MTA3: variants seen among roughly 807,000 people sequenced by gnomAD.
MTA3 encodes the protein metastasis-associated protein MTA3.
A neutral mutation model predicts 83.5 loss-of-function variants in MTA3; 34 were observed. The ratio of observed to expected loss-of-function variants is 0.41; its 90% confidence interval spans 0.31 to 0.54. MTA3 has a LOEUF of 0.54. Among genes scored for constraint, MTA3 ranks in the 20% least tolerant of loss-of-function variants. The probability of loss-of-function intolerance (pLI) is 0.33; values close to 1 mark genes in which losing one functional copy is unlikely to be tolerated. For missense variants in MTA3, 761 were observed against 726.4 expected, an observed-to-expected ratio of 1.05 and a Z score of -0.55; for synonymous variants, 303 against 252.7, an observed-to-expected ratio of 1.20 and a Z score of -1.89.
chr2:42,560,722 T>C (rs1677635079), intron 2 of MTA3, among the ~76,000 whole-genome samples: 1 of 151,254 alleles, frequency 6.6e-6, no homozygotes, highest in African/African-American at 2.4e-5. Context: ...CTGGCCAACA[T>C]AGTAAAACTC....
At chr2:42,618,085 C>T (rs1236159130) in intron 4 of MTA3, among the ~76,000 whole-genome samples, 2 of 151,976 alleles carry the variant, frequency 1.3e-5, no homozygotes, top group Non-Finnish European at 2.9e-5. Context: ...GCTGGGACTG[C>T]AAGTGCACAC....
At chr2:42,541,458 T>C (rs1676514027) in intron 2 of MTA3, among the ~76,000 whole-genome samples, 1 of 152,252 alleles carries the variant, frequency 6.6e-6, no homozygotes, top group Non-Finnish European at 1.5e-5. Flanking sequence ...TAATGTACTC[T>C]ACAGTGTACT....
chr2:42,644,198 A>G lies in MTA3; in HGVS notation c.453A>G (p.Arg151=). The change falls in exon 6 of 17, where the codon AGA becomes AGG. Residue 151 remains arginine (R), a synonymous_variant. Coordinates refer to ENST00000405094, the MANE Select transcript of MTA3 (RefSeq NM_001330442.2). Reference sequence around the variant, plus strand: ...TATTAGCTGACAAAGGTGAAATCAGAGTGGGACCTAGATATCAAGCAGACA... The same window carrying G: ...TATTAGCTGACAAAGGTGAAATCAGGGTGGGACCTAGATATCAAGCAGACA... ...KTLLADKGEI[R]VGPRYQADIP... is the part of the protein sequence containing the mutation. 6.2e-7 allele frequency: 1 copy of G among 1,613,174 alleles called. No individual in the cohort carries two copies. The highest frequency in any genetic ancestry group is 1.1e-5 in the South Asian group (1 of 90,978).
rs529407068 is a variant in MTA3 at position 42,690,166 on chromosome 2, C to G, written c.892-5599C>G. The stretch of plus-strand genomic sequence containing the variant: ...TGGGCAGCATAGCATTACACTATCT[C>G]AGTTAACCAAACAAACAAAAAGATT... On this transcript the variant is annotated intron_variant, in intron 9 of 16. Transcript: ENST00000405094. Among the ~76,000 whole-genome samples, 4 of 152,250 alleles carry G rather than the reference C, an allele frequency of 2.6e-5. No individual in the cohort carries two copies. In the South Asian group the frequency reaches 8.3e-4, roughly 32 times the overall value.
chr2:42,715,341 G>A, intron 14 of MTA3, among the ~76,000 whole-genome samples: 2 of 151,524 alleles, frequency 1.3e-5, no homozygotes, highest in East Asian at 3.9e-4. Context: ...GAGTGACTAA[G>A]GCAGTCCTAG....
intron 3 of MTA3, among the ~76,000 whole-genome samples, chr2:42,583,201 C>G (rs1377952532): frequency 6.6e-6 from 1 of 152,096 alleles, no homozygotes; most frequent in East Asian, 1.9e-4. Context: ...GTTGATTATC[C>G]CTATGGGTGG....
chr2:42,591,713 C>T (rs188464371), intron 3 of MTA3, among the ~76,000 whole-genome samples: 9 of 151,568 alleles, frequency 5.9e-5, no homozygotes, highest in Non-Finnish European at 1.3e-4. Flanking sequence ...TGCAGTGGTG[C>T]GATCTCAGCT....
chr2:42,720,951 CAAAAAAAAAAAAAAAAA>C (rs377702701), intron 15 of MTA3, among the ~76,000 whole-genome samples: 171 of 69,602 alleles, frequency 2.5e-3, no homozygotes, highest in African/African-American at 9.0e-3. Context: ...GACCCTGTCT[CAAAAAAAAAAAAAAAAA>C]AAAAAAGAAA....
chr2:42,716,531 T>A (rs967051249), intron 14 of MTA3, among the ~76,000 whole-genome samples: 7 of 152,172 alleles, frequency 4.6e-5, no homozygotes, highest in African/African-American at 1.7e-4. Context: ...CCTCTGTGCA[T>A]CCATGAGTTC....
intron 14 of MTA3, among the ~76,000 whole-genome samples, chr2:42,711,595 C>T (rs761585698): frequency 6.6e-6 from 1 of 152,108 alleles, no homozygotes; most frequent in South Asian, 2.1e-4. Context: ...ATTTTTCAGA[C>T]AAGCAATGAA....
chr2:42,658,910 A>T (rs1019681495), intron 7 of MTA3, among the ~76,000 whole-genome samples: 1 of 150,806 alleles, frequency 6.6e-6, no homozygotes, highest in African/African-American at 2.4e-5. Flanking sequence ...CCTTGTCTAC[A>T]GAAAATTTTT....
chr2:42,722,294 G>A (rs1367035260), intron 15 of MTA3, among the ~76,000 whole-genome samples: 1 of 152,124 alleles, frequency 6.6e-6, no homozygotes, highest in South Asian at 2.1e-4. Context: ...GGCACATTAT[G>A]GTTTTGTGAT....
At chr2:42,690,095 C>G (rs1692743353) in intron 9 of MTA3, among the ~76,000 whole-genome samples, 1 of 152,060 alleles carries the variant, frequency 6.6e-6, no homozygotes, top group South Asian at 2.1e-4. Context: ...GAGGCTGCAG[C>G]ATGCTATGAC....
At position 42,755,035 on chromosome 2, in the gene MTA3, G is replaced by A. The variant is rs13418278; in HGVS notation, c.*1636G>A. Reference sequence around the variant, plus strand: ...TTGGGGCGCTGAGGGTGGGGCCTGTGTCAGAAGCATTTGGTGAGAGGGGTG... The same window carrying A: ...TTGGGGCGCTGAGGGTGGGGCCTGTATCAGAAGCATTTGGTGAGAGGGGTG... On this transcript the variant is annotated 3_prime_UTR_variant, in exon 17 of 17. Coordinates refer to ENST00000405094, the MANE Select transcript of MTA3 (RefSeq NM_001330442.2). The A allele has an allele frequency of 0.3, 296,561 of 985,220 alleles. 45,070 individuals carry two copies. The highest frequency in any genetic ancestry group is 0.44 in the Middle Eastern group (847 of 1,914). 61.0% of individuals were successfully genotyped at this position (985,220 alleles called of 1,614,324 possible).
intron 5 of MTA3, among the ~76,000 whole-genome samples, chr2:42,643,043 C>CG (rs1191035703): frequency 1.4e-5 from 2 of 146,936 alleles, no homozygotes; most frequent in East Asian, 2.1e-4. Flanking sequence ...CTCCCCCCCC[C>CG]CCCTTTTTTT....
chr2:42,514,341 T>C (rs77128201), intron 2 of MTA3, among the ~76,000 whole-genome samples: 3,383 of 152,294 alleles, frequency 0.022, 46 homozygotes, highest in South Asian at 0.034. Context: ...AAAATACATA[T>C]GCTTTTAAAA....
At chr2:42,539,655 C>T (rs1324748966) in intron 2 of MTA3, among the ~76,000 whole-genome samples, 1 of 142,878 alleles carries the variant, frequency 7.0e-6, no homozygotes, top group Non-Finnish European at 1.5e-5. Context: ...GATCTCAGCT[C>T]ACTGCAGCCT....
At chr2:42,642,268 TTATATTG>T (rs1396948725) in intron 5 of MTA3, among the ~76,000 whole-genome samples, 1 of 152,166 alleles carries the variant, frequency 6.6e-6, no homozygotes, top group Non-Finnish European at 1.5e-5. Flanking sequence ...TTTCATCTTA[TTATATTG>T]TAGAGTATGG....
chr2:42,524,933 C>T (rs376652946), intron 2 of MTA3, among the ~76,000 whole-genome samples: 1 of 149,212 alleles, frequency 6.7e-6, no homozygotes, highest in Non-Finnish European at 1.5e-5. Context: ...GTTGAATTAC[C>T]GAAGGTGAAG....
Sources: gnomAD v4.1 joint callset for allele counts (sites outside exome capture counted in the v4.1 genomes callset) on GRCh38, gnomAD v4.1.1 for gene constraint, MANE v1.5 for transcripts, NCBI Gene and HGNC (gene_info 2026-07-23, HGNC 2026-07-21) for gene names.